RBFOX1: variants seen among roughly 807,000 people sequenced by gnomAD.
RBFOX1 encodes RNA binding fox-1 homolog 1.
RBFOX1 carries 8 observed loss-of-function variants against 57.7 expected under a neutral mutation model. That is an observed-to-expected ratio of 0.14 (90% confidence interval 0.08 to 0.25). The LOEUF is 0.25. Ranked by LOEUF, RBFOX1 falls within the 10% of genes least tolerant of loss-of-function variation. The pLI, the probability that RBFOX1 is intolerant of heterozygous loss-of-function variation, is 1.00. For synonymous variants in RBFOX1, 326 were observed against 222.4 expected, an observed-to-expected ratio of 1.47 and a Z score of -4.15; for missense variants, 611 against 548.5, an observed-to-expected ratio of 1.11 and a Z score of -1.14.
chr16:7,469,565 T>C lies in RBFOX1; in HGVS notation c.28-48582T>C, dbSNP rs996462180. Among the ~76,000 whole-genome samples, 3 of 152,170 alleles carry C rather than the reference T, an allele frequency of 2.0e-5. No individual in the cohort carries two copies. The East Asian group carries it at 5.8e-4, about 29-fold the overall frequency. On this transcript the variant is annotated intron_variant, in intron 4 of 15. Transcript: ENST00000550418. ...AAATAATGCATATTTTATTTTGAAATAGTTTTAGATTTATTGAAAAGTTGT... is the reference window on the plus strand; with the variant it reads ...AAATAATGCATATTTTATTTTGAAACAGTTTTAGATTTATTGAAAAGTTGT...
At chr16:7,393,984 C>A (rs1013625195) in intron 4 of RBFOX1, among the ~76,000 whole-genome samples, 1 of 152,036 alleles carries the variant, frequency 6.6e-6, no homozygotes, top group African/African-American at 2.4e-5. Flanking sequence ...ACCTGTAATC[C>A]TAGCCCTTTG....
chr16:6,901,043 G>T (rs1203276138), intron 3 of RBFOX1, among the ~76,000 whole-genome samples: 1 of 152,110 alleles, frequency 6.6e-6, no homozygotes, highest in Non-Finnish European at 1.5e-5. Context: ...TGTATACCGG[G>T]TGCTGTGTTC....
intron 4 of RBFOX1, among the ~76,000 whole-genome samples, chr16:7,112,683 TGG>T (rs1491475251): frequency 6.0e-5 from 9 of 149,296 alleles, no homozygotes; most frequent in South Asian, 2.2e-4. Context: ...TGTGTGGGTG[TGG>T]GTGTGTCTCT....
chr16:7,583,260 G>C (rs943649963), intron 6 of RBFOX1, among the ~76,000 whole-genome samples: 1 of 151,652 alleles, frequency 6.6e-6, no homozygotes, highest in Non-Finnish European at 1.5e-5. Flanking sequence ...TGAGGTTCAA[G>C]GGAATGGATC....
At chr16:7,662,064 C>G (rs2067897615) in intron 12 of RBFOX1, among the ~76,000 whole-genome samples, 2 of 152,150 alleles carry the variant, frequency 1.3e-5, no homozygotes, top group South Asian at 2.1e-4. Context: ...AGAGCTCAGC[C>G]TCAGCCATAT....
chr16:5,917,139 T>G (rs1038482336), intron 4 of RBFOX1, among the ~76,000 whole-genome samples: 4 of 152,114 alleles, frequency 2.6e-5, no homozygotes, highest in Non-Finnish European at 5.9e-5. Context: ...GTTCCTCTGC[T>G]TTAGACAACC....
chr16:5,893,871 G>A (rs1428932413), intron 4 of RBFOX1, among the ~76,000 whole-genome samples: 1 of 151,694 alleles, frequency 6.6e-6, no homozygotes, highest in Non-Finnish European at 1.5e-5. Context: ...AAAAATTGAA[G>A]ATTAAACATA....
At chr16:7,636,854 A>G (rs1248444368) in intron 11 of RBFOX1, among the ~76,000 whole-genome samples, 1 of 152,108 alleles carries the variant, frequency 6.6e-6, no homozygotes, top group Non-Finnish European at 1.5e-5. Flanking sequence ...ACAGAGAGAG[A>G]GAGAGGAATA....
At chr16:5,892,932 C>G (rs2058080531) in intron 4 of RBFOX1, among the ~76,000 whole-genome samples, 2 of 152,144 alleles carry the variant, frequency 1.3e-5, no homozygotes, top group African/African-American at 4.8e-5. Context: ...GAGCTTTACC[C>G]TAAAGCTGGC....
chr16:7,227,651 G>A (rs982599735), intron 4 of RBFOX1, among the ~76,000 whole-genome samples: 21 of 152,146 alleles, frequency 1.4e-4, no homozygotes, highest in African/African-American at 4.8e-4. Flanking sequence ...TGGAGATGGG[G>A]GTGGGGGATT....
chr16:6,006,216 G>C (rs2094926284), intron 4 of RBFOX1, among the ~76,000 whole-genome samples: 1 of 152,170 alleles, frequency 6.6e-6, no homozygotes, highest in Non-Finnish European at 1.5e-5. Flanking sequence ...TCTCAGACCA[G>C]ATAGTTCAGG....
rs139824785 is a variant in RBFOX1 at position 7,426,164 on chromosome 16, C to T, written c.28-91983C>T. On this transcript the variant is annotated intron_variant, in intron 4 of 15. Transcript: ENST00000550418. ...CACCCTTGCCTAGGCAGGGTCTACA[C>T]CTTCCAGAAGCAAACACAGCCGAAA... Among the ~76,000 whole-genome samples the T allele has an allele frequency of 9.8e-4, 149 of 152,362 alleles. 2 individuals are homozygous for T. In the East Asian group the frequency reaches 0.027, roughly 28 times the overall value.
intron 4 of RBFOX1, among the ~76,000 whole-genome samples, chr16:7,406,837 G>C (rs962966492): frequency 1.3e-5 from 2 of 152,156 alleles, no homozygotes; most frequent in East Asian, 3.9e-4. Flanking sequence ...TGGAAATCTA[G>C]GGGAAAGTCC....
chr16:7,373,336 A>G (rs775226103), intron 4 of RBFOX1, among the ~76,000 whole-genome samples: 1 of 152,208 alleles, frequency 6.6e-6, no homozygotes, highest in African/African-American at 2.4e-5. Flanking sequence ...AATACATGTT[A>G]TAGTAAAGAC....
intron 1 of RBFOX1, among the ~76,000 whole-genome samples, chr16:6,284,083 A>T (rs1414189809): frequency 1.3e-5 from 2 of 152,212 alleles, no homozygotes; most frequent in African/African-American, 4.8e-5. Context: ...AAGAGCACTG[A>T]CAATTAATTA....
intron 3 of RBFOX1, among the ~76,000 whole-genome samples, chr16:5,663,955 A>G (rs1463992785): frequency 2.0e-5 from 3 of 152,098 alleles, no homozygotes; most frequent in Non-Finnish European, 2.9e-5. Context: ...ACAAGCCAGC[A>G]CTCGAGATAT....
intron 4 of RBFOX1, among the ~76,000 whole-genome samples, chr16:7,482,622 G>C (rs2064287375): frequency 7.6e-6 from 1 of 130,822 alleles, no homozygotes; most frequent in Non-Finnish European, 1.5e-5. Flanking sequence ...TTCTGGATCT[G>C]CTTTCCAAGA....
intron 4 of RBFOX1, among the ~76,000 whole-genome samples, chr16:7,341,772 CTCCCTCCTTCCTTCCT>C: frequency 1.2e-5 from 1 of 82,354 alleles, no homozygotes; most frequent in Non-Finnish European, 2.3e-5. Flanking sequence ...CCTTCCCTCC[CTCCCTCCTTCCTTCCT>C]TCCTTCCTTC....
chr16:6,973,502 C>T (rs1052875817), intron 3 of RBFOX1, among the ~76,000 whole-genome samples: 2 of 152,186 alleles, frequency 1.3e-5, no homozygotes, highest in African/African-American at 2.4e-5. Flanking sequence ...TGCTGAAATG[C>T]TCCTATTTCT....
Sources: gnomAD v4.1 joint callset for allele counts (sites outside exome capture counted in the v4.1 genomes callset) on GRCh38, gnomAD v4.1.1 for gene constraint, MANE v1.5 for transcripts, NCBI Gene and HGNC (gene_info 2026-07-23, HGNC 2026-07-21) for gene names.